CNOT4: variants seen among roughly 807,000 people sequenced by gnomAD.
CNOT4 encodes CCR4-associated factor 4.
A neutral mutation model predicts 73.8 loss-of-function variants in CNOT4; 8 were observed. That is an observed-to-expected ratio of 0.11 (90% confidence interval 0.06 to 0.20). The LOEUF (loss-of-function observed/expected upper bound fraction) is 0.20, where lower values mean the gene tolerates loss of function less well. Among genes scored for constraint, CNOT4 ranks in the 10% least tolerant of loss-of-function variants. CNOT4 has a pLI of 1.00. For synonymous variants in CNOT4, 293 were observed against 321.1 expected (o/e 0.91, Z 0.94); for missense variants, 564 against 883.4 (o/e 0.64, Z 4.58).
chr7:135,458,310 A>T (rs2129486195), intron 1 of CNOT4, among the ~76,000 whole-genome samples: 1 of 152,276 alleles, frequency 6.6e-6, no homozygotes, highest in Non-Finnish European at 1.5e-5. Context: ...CTGCTAAAAA[A>T]TGATAAGATC....
At chr7:135,462,545 G>A (rs550304483) in intron 1 of CNOT4, among the ~76,000 whole-genome samples, 2 of 152,318 alleles carry the variant, frequency 1.3e-5, no homozygotes, top group East Asian at 3.9e-4. Flanking sequence ...ACTCTCACAG[G>A]AAACTCGATT....
At chr7:135,445,722 A>G (rs1178467977) in intron 1 of CNOT4, among the ~76,000 whole-genome samples, 2 of 152,208 alleles carry the variant, frequency 1.3e-5, no homozygotes, top group African/African-American at 2.4e-5. Flanking sequence ...ATTTTTTTAA[A>G]TAAAATGTTG....
intron 9 of CNOT4, among the ~76,000 whole-genome samples, chr7:135,395,104 C>T (rs1489494629): frequency 6.6e-6 from 1 of 152,004 alleles, no homozygotes; most frequent in Admixed American, 6.6e-5. Flanking sequence ...AATCTAAGTC[C>T]TTGCCAGGTG....
At chr7:135,406,386 A>C (rs1042955239) in intron 7 of CNOT4, among the ~76,000 whole-genome samples, 1 of 144,782 alleles carries the variant, frequency 6.9e-6, no homozygotes, top group African/African-American at 2.6e-5. Flanking sequence ...CTGGCCAGGC[A>C]CAGTGGCTCA....
intron 1 of CNOT4, among the ~76,000 whole-genome samples, chr7:135,463,939 A>G (rs959090074): frequency 4.7e-5 from 7 of 149,794 alleles, no homozygotes; most frequent in Non-Finnish European, 8.9e-5. Flanking sequence ...AAAACCCTCA[A>G]TATCATTGAT....
intron 7 of CNOT4, among the ~76,000 whole-genome samples, chr7:135,408,465 G>T (rs1276175658): frequency 6.6e-6 from 1 of 152,168 alleles, no homozygotes. Flanking sequence ...AGGAATTAGT[G>T]TATAAGAAAA....
chr7:135,483,909 G>T (rs770511038), intron 1 of CNOT4, among the ~76,000 whole-genome samples: 1 of 152,178 alleles, frequency 6.6e-6, no homozygotes, highest in Non-Finnish European at 1.5e-5. Flanking sequence ...CCTATAGCTA[G>T]GCCAGGCGTG....
chr7:135,422,787 G>A (rs1346582171), intron 2 of CNOT4, among the ~76,000 whole-genome samples: 1 of 152,106 alleles, frequency 6.6e-6, no homozygotes, highest in African/African-American at 2.4e-5. Flanking sequence ...GATTAATGAA[G>A]TTACACATTT....
At chr7:135,475,338 T>A (rs954237011) in intron 1 of CNOT4, among the ~76,000 whole-genome samples, 1 of 152,008 alleles carries the variant, frequency 6.6e-6, no homozygotes, top group African/African-American at 2.4e-5. Flanking sequence ...ATTAAGCATA[T>A]CATGACTAAA....
At chr7:135,439,274 G>A (rs554047483) in intron 1 of CNOT4, among the ~76,000 whole-genome samples, 7 of 152,056 alleles carry the variant, frequency 4.6e-5, no homozygotes, top group Non-Finnish European at 8.8e-5. Context: ...CAAAATCACG[G>A]TGGTAATTTT....
rs1471085612 is a variant in CNOT4 at position 135,446,398 on chromosome 7, A to G, written c.-92-7975T>C. On this transcript the variant is annotated intron_variant, in intron 1 of 11. Transcript: ENST00000541284. ...ATGCCACTGAACTGTACATTTGAAAATGGTTAAAATGGTAAATATGTTACA... is the reference window on the plus strand; with the variant it reads ...ATGCCACTGAACTGTACATTTGAAAGTGGTTAAAATGGTAAATATGTTACA... Among the ~76,000 whole-genome samples, 3 of 152,188 alleles carry G rather than the reference A, an allele frequency of 2.0e-5. No homozygotes were observed. In the East Asian group the frequency reaches 5.8e-4, roughly 29 times the overall value.
chr7:135,462,196 T>C (rs1800918897), intron 1 of CNOT4, among the ~76,000 whole-genome samples: 1 of 152,056 alleles, frequency 6.6e-6, no homozygotes. Flanking sequence ...CAGAGAATTC[T>C]ACAACTTTTA....
intron 1 of CNOT4, among the ~76,000 whole-genome samples, chr7:135,500,839 G>A (rs897724631): frequency 3.3e-5 from 5 of 152,058 alleles, no homozygotes; most frequent in African/African-American, 1.2e-4. Context: ...AAGCAGGTAA[G>A]GCCTAAATTT....
At chr7:135,421,650 C>T (rs965439202) in intron 3 of CNOT4, among the ~76,000 whole-genome samples, 8 of 152,180 alleles carry the variant, frequency 5.3e-5, no homozygotes, top group African/African-American at 1.9e-4. Flanking sequence ...AATTCTCCCT[C>T]TTCCTCCAAA....
At chr7:135,369,085 C>A (rs921393926) in intron 10 of CNOT4, among the ~76,000 whole-genome samples, 6 of 152,148 alleles carry the variant, frequency 3.9e-5, no homozygotes, top group Non-Finnish European at 7.3e-5. Flanking sequence ...GGTACCAGGA[C>A]AAGGCATCCT....
chr7:135,468,271 A>C (rs891570346), intron 1 of CNOT4, among the ~76,000 whole-genome samples: 10 of 152,136 alleles, frequency 6.6e-5, no homozygotes, highest in African/African-American at 2.4e-4. Context: ...ATTATTACAG[A>C]TCACTTGATG....
intron 2 of CNOT4, among the ~76,000 whole-genome samples, chr7:135,426,398 C>A (rs547621672): frequency 2.0e-5 from 3 of 151,616 alleles, no homozygotes; most frequent in Non-Finnish European, 4.4e-5. Flanking sequence ...GTCAGGAAAT[C>A]GAGACCATCC....
chr7:135,426,850 G>C (rs1156956375), intron 2 of CNOT4, among the ~76,000 whole-genome samples: 1 of 151,234 alleles, frequency 6.6e-6, no homozygotes, highest in African/African-American at 2.4e-5. Flanking sequence ...TTGAACCCGG[G>C]AGATGGAGGT....
At chr7:135,402,756 T>C (rs1585590571) in intron 7 of CNOT4, among the ~76,000 whole-genome samples, 2 of 152,298 alleles carry the variant, frequency 1.3e-5, no homozygotes, top group East Asian at 1.9e-4. Context: ...TGCAAACAGG[T>C]AGTCACTGAC....
Sources: allele counts gnomAD v4.1 joint callset (sites outside exome capture counted in the v4.1 genomes callset), GRCh38; gene constraint gnomAD v4.1.1; transcripts MANE v1.5; gene names NCBI Gene and HGNC (gene_info 2026-07-23, HGNC 2026-07-21).